ADAMTSL3: variants seen among roughly 807,000 people sequenced by gnomAD.
ADAMTSL3 encodes the protein ADAMTS-like protein 3.
Under a neutral mutation model 201.7 loss-of-function variants are expected in ADAMTSL3, and 128 were observed. The ratio of observed to expected loss-of-function variants is 0.63; its 90% confidence interval spans 0.55 to 0.73. The LOEUF is 0.73. Ranked by LOEUF, ADAMTSL3 falls within the 30% of genes least tolerant of loss-of-function variation. The pLI is 0.00. For synonymous variants in ADAMTSL3, 738 were observed against 748.4 expected (o/e 0.99, Z 0.23); for missense variants, 1,990 against 2,119.6 (o/e 0.94, Z 1.20).
In ADAMTSL3 at chr15:83,819,998, C is replaced by T; in HGVS notation, c.551C>T (p.Thr184Ile). The T allele has an allele frequency of 6.2e-7, 1 of 1,614,146 alleles. No individual in the cohort carries two copies. Among genetic ancestry groups the T allele is most frequent in the Non-Finnish European group, 8.5e-7 (1 of 1,180,026 alleles). ...VELAPKVLDGTRCNTDSLDMC... is the reference protein window; with the variant it reads ...VELAPKVLDGIRCNTDSLDMC... ...CTGGCACCTAAGGTACTGGATGGAA[C>T]TCGTTGCAACACGGACTCCTTGGAC... Residue 184 changes from threonine to isoleucine, a missense_variant, in exon 6 of 30, where the codon ACT becomes ATT. Transcript: ENST00000286744.
chr15:83,899,118 G>A (rs1453444700), intron 14 of ADAMTSL3, among the ~76,000 whole-genome samples: 3 of 152,130 alleles, frequency 2.0e-5, no homozygotes, highest in African/African-American at 7.2e-5. Context: ...AGGAAGGGGG[G>A]CAACAGTTTG....
At chr15:83,709,786 G>A (rs1344749468) in intron 3 of ADAMTSL3, among the ~76,000 whole-genome samples, 1 of 152,006 alleles carries the variant, frequency 6.6e-6, no homozygotes, top group African/African-American at 2.4e-5. Context: ...TTTATTTTTA[G>A]CATTTGTTAG....
chr15:83,848,355 G>C (rs1477506921), intron 7 of ADAMTSL3, among the ~76,000 whole-genome samples: 1 of 152,190 alleles, frequency 6.6e-6, no homozygotes, highest in African/African-American at 2.4e-5. Context: ...GTGCTTCTGG[G>C]CTGAAACTGA....
intron 3 of ADAMTSL3, among the ~76,000 whole-genome samples, chr15:83,710,529 G>T (rs948197355): frequency 2.6e-5 from 4 of 151,066 alleles, no homozygotes; most frequent in African/African-American, 9.8e-5. Context: ...CTTTCTTCAA[G>T]TCACACCTAT....
chr15:83,954,642 C>T (rs1193595978), intron 19 of ADAMTSL3, among the ~76,000 whole-genome samples: 3 of 152,164 alleles, frequency 2.0e-5, no homozygotes, highest in Admixed American at 6.6e-5. Context: ...ACAGTCTATG[C>T]CTGTCCTTCT....
At chr15:83,714,876 CCCTTCCTTCCTTCCTTCCTTCCTTCCTT>C (rs1191969866) in intron 3 of ADAMTSL3, among the ~76,000 whole-genome samples, 1 of 22,076 alleles carries the variant, frequency 4.5e-5, no homozygotes, top group Non-Finnish European at 6.6e-5. Context: ...CTCCCTCCCT[CCCTTCCTTCCTTCCTTCCTTCCTTCCTT>C]CCTTCCTTCC....
At chr15:83,782,155 G>A (rs893433078) in intron 4 of ADAMTSL3, among the ~76,000 whole-genome samples, 1 of 152,114 alleles carries the variant, frequency 6.6e-6, no homozygotes, top group Non-Finnish European at 1.5e-5. Flanking sequence ...CAATAGCAAA[G>A]ACATGGAATC....
chr15:83,987,806 T>TA (rs2141826210), intron 21 of ADAMTSL3, among the ~76,000 whole-genome samples: 1 of 152,218 alleles, frequency 6.6e-6, no homozygotes, highest in East Asian at 1.9e-4. Context: ...TGATGAAACA[T>TA]ACAGTATTTA....
intron 3 of ADAMTSL3, among the ~76,000 whole-genome samples, chr15:83,755,803 G>GA (rs1183304304): frequency 6.6e-6 from 1 of 151,860 alleles, no homozygotes; most frequent in Non-Finnish European, 1.5e-5. Flanking sequence ...GCCCAGGCTG[G>GA]AGTGCAGTGG....
intron 3 of ADAMTSL3, among the ~76,000 whole-genome samples, chr15:83,724,556 A>G (rs951159660): frequency 7.9e-5 from 12 of 151,980 alleles, no homozygotes; most frequent in African/African-American, 2.9e-4. Context: ...TGTTCAGTCA[A>G]ATTATACTCT....
intron 9 of ADAMTSL3, among the ~76,000 whole-genome samples, chr15:83,872,627 C>CACACACACACACACACAG (rs6145659): frequency 0.012 from 1,682 of 140,884 alleles, 50 homozygotes; most frequent in Middle Eastern, 0.054. Flanking sequence ...CACACACACA[C>CACACACACACACACACAG]AGAGTTTTTG....
chr15:83,684,025 C>T (rs1030474689), intron 2 of ADAMTSL3, among the ~76,000 whole-genome samples: 7 of 152,184 alleles, frequency 4.6e-5, no homozygotes, highest in African/African-American at 4.8e-5. Context: ...AAAAACTTCA[C>T]GTTGGTATTC....
chr15:83,655,745 G>C lies in ADAMTSL3; in HGVS notation c.-17G>C. 1.2e-6 allele frequency: 2 copies of C among 1,613,786 alleles called. No homozygotes were observed. On this transcript the variant is annotated 5_prime_UTR_variant, in exon 2 of 30. Coordinates refer to ENST00000286744, the MANE Select transcript of ADAMTSL3 (RefSeq NM_207517.3). ...CGTTTGTAGGCTACAACTGAGACCC[G>C]GAGGAGACTAGACCCCATGGCTTCC...
chr15:83,828,223 C>T (rs2064069284), intron 6 of ADAMTSL3, among the ~76,000 whole-genome samples: 1 of 152,122 alleles, frequency 6.6e-6, no homozygotes, highest in Non-Finnish European at 1.5e-5. Context: ...TTGTAGTTCT[C>T]CTTGAAGAGG....
At chr15:83,739,988 ACCTGGAACCCATGG>A (rs1046071409) in intron 3 of ADAMTSL3, 83 of 437,448 alleles carry the variant, frequency 1.9e-4, no homozygotes, top group Middle Eastern at 7.3e-4. Context: ...GTGTTTGTAG[ACCTGGAACCCATGG>A]CTGTTGACAG....
At chr15:83,812,911 G>A (rs1230439875) in intron 5 of ADAMTSL3, among the ~76,000 whole-genome samples, 2 of 152,280 alleles carry the variant, frequency 1.3e-5, no homozygotes, top group East Asian at 3.9e-4. Context: ...ATTTACAGAG[G>A]AGATTTAAGT....
chr15:83,982,258 T>C lies in ADAMTSL3; in HGVS notation c.2645-15T>C. The stretch of plus-strand genomic sequence containing the variant: ...TATTCGTATTTTCTTTTCTTTCTTT[T>C]TTTTTTTCTTGGAGAAATCAAATCA... On this transcript the variant is annotated splice_polypyrimidine_tract_variant and intron_variant, in intron 20 of 29. Coordinates refer to ENST00000286744, the MANE Select transcript of ADAMTSL3 (RefSeq NM_207517.3). 13 of 1,550,718 alleles carry C rather than the reference T, an allele frequency of 8.4e-6. No individual in the cohort carries two copies. Among genetic ancestry groups the C allele is most frequent in the Middle Eastern group, 1.7e-4 (1 of 5,746 alleles).
At chr15:83,914,594 C>T (rs1413353034) in intron 16 of ADAMTSL3, among the ~76,000 whole-genome samples, 3 of 152,204 alleles carry the variant, frequency 2.0e-5, no homozygotes, top group Non-Finnish European at 4.4e-5. Context: ...GGTGCCTTAG[C>T]TGCCTCTGGA....
At position 83,820,012 on chromosome 15, in the gene ADAMTSL3, G is replaced by A. The variant is rs2063835770; in HGVS notation, c.565G>A (p.Asp189Asn). The change falls in exon 6 of 30, where the codon GAC becomes AAC. Residue 189 changes from aspartate (D) to asparagine (N), a missense_variant. By Grantham distance (23) the Asp-to-Asn change is conservative. Coordinates refer to ENST00000286744, the MANE Select transcript of ADAMTSL3 (RefSeq NM_207517.3). Reference sequence around the variant, plus strand: ...ACTGGATGGAACTCGTTGCAACACGGACTCCTTGGACATGTGTATCAGTGG... The same window carrying A: ...ACTGGATGGAACTCGTTGCAACACGAACTCCTTGGACATGTGTATCAGTGG... The part of the protein sequence containing the change: ...KVLDGTRCNT[D>N]SLDMCISGIC... 1.2e-6 allele frequency: 2 copies of A among 1,613,982 alleles called. No homozygotes were observed. Among genetic ancestry groups the A allele is most frequent in the African/African-American group, 1.3e-5 (1 of 74,882 alleles).
Sources: allele counts gnomAD v4.1 joint callset (sites outside exome capture counted in the v4.1 genomes callset), GRCh38; gene constraint gnomAD v4.1.1; transcripts MANE v1.5; gene names NCBI Gene and HGNC (gene_info 2026-07-23, HGNC 2026-07-21).